The following SHISA9 variants were observed in gnomAD, a reference collection of about 807,000 sequenced individuals.
The protein encoded by SHISA9 is protein shisa-9.
SHISA9 carries 13 observed loss-of-function variants against 38.0 expected under a neutral mutation model. The observed-to-expected ratio is 0.34, with a 90% confidence interval of 0.22 to 0.54. SHISA9 has a LOEUF of 0.54. Among genes scored for constraint, SHISA9 ranks in the 20% least tolerant of loss-of-function variants. The probability of loss-of-function intolerance (pLI) is 0.91; values close to 1 mark genes in which losing one functional copy is unlikely to be tolerated. For missense variants in SHISA9, 538 were observed against 575.8 expected, an observed-to-expected ratio of 0.93 and a Z score of 0.67; for synonymous variants, 275 against 242.0, an observed-to-expected ratio of 1.14 and a Z score of -1.27.
At chr16:13,132,974 A>G (rs1234158656) in intron 2 of SHISA9, among the ~76,000 whole-genome samples, 1 of 152,172 alleles carries the variant, frequency 6.6e-6, no homozygotes, top group African/African-American at 2.4e-5. Context: ...GGAAAGAGTC[A>G]CCCAGGTCTG....
chr16:12,948,854 T>C (rs1035814291), intron 2 of SHISA9, among the ~76,000 whole-genome samples: 2 of 152,186 alleles, frequency 1.3e-5, no homozygotes, highest in African/African-American at 4.8e-5. Context: ...AAAAAACACA[T>C]ATTTGCACCA....
At chr16:13,088,097 G>A (rs1435186770) in intron 2 of SHISA9, among the ~76,000 whole-genome samples, 1 of 152,130 alleles carries the variant, frequency 6.6e-6, no homozygotes, top group African/African-American at 2.4e-5. Flanking sequence ...CCCATTTCTT[G>A]TTTTTGTCAG....
At chr16:13,065,080 G>A (rs980689212) in intron 2 of SHISA9, among the ~76,000 whole-genome samples, 1 of 152,310 alleles carries the variant, frequency 6.6e-6, no homozygotes, top group South Asian at 2.1e-4. Flanking sequence ...CTTAGCTTAA[G>A]ATATCTTGCC....
rs760823740 is a variant in SHISA9, at chr16:12,902,151, C to T, written c.87C>T (p.His29=). The change falls in exon 1 of 5, where the codon CAC becomes CAT. Residue 29 remains histidine (H), a synonymous_variant. Coordinates refer to ENST00000558583, the MANE Select transcript of SHISA9 (RefSeq NM_001145204.3). The part of the protein sequence containing the change: ...RVCRAQERAG[H]GQLAQLGGVL... ...GCCGGGCGCAGGAGCGAGCGGGACACGGGCAGCTGGCGCAACTGGGCGGCG... is the reference window on the plus strand; with the variant it reads ...GCCGGGCGCAGGAGCGAGCGGGACATGGGCAGCTGGCGCAACTGGGCGGCG... 9 of 1,525,986 alleles carry T rather than the reference C, an allele frequency of 5.9e-6. No homozygotes were observed. Among genetic ancestry groups the T allele is most frequent in the Admixed American group, 4.0e-5 (2 of 49,820 alleles). The allele number at this position is 1,525,986 out of a possible 1,614,324, so 94.5% of individuals were successfully genotyped here.
intron 2 of SHISA9, among the ~76,000 whole-genome samples, chr16:12,979,964 T>C (rs1291801310): frequency 6.6e-6 from 1 of 152,188 alleles, no homozygotes; most frequent in African/African-American, 2.4e-5. Context: ...GGGATCATAT[T>C]AAATGCAGAG....
chr16:13,155,520 A>G (rs2050536368), intron 2 of SHISA9, among the ~76,000 whole-genome samples: 1 of 152,146 alleles, frequency 6.6e-6, no homozygotes, highest in South Asian at 2.1e-4. Flanking sequence ...CAGTCTCCTC[A>G]TTAGCTCTAC....
At chr16:13,343,961 T>C in the SHISA9 span, among the ~76,000 whole-genome samples, 1 of 152,122 alleles carries the variant, frequency 6.6e-6, no homozygotes, top group Admixed American at 6.6e-5. Context: ...AATTAATCAT[T>C]GTTGTTATAG....
At chr16:13,433,642 G>T in the SHISA9 span, among the ~76,000 whole-genome samples, 16 of 152,180 alleles carry the variant, frequency 1.1e-4, no homozygotes, top group Non-Finnish European at 2.2e-4. Context: ...TGCATACAAG[G>T]TAAGAAATAT....
intron 2 of SHISA9, among the ~76,000 whole-genome samples, chr16:13,009,098 ATT>A (rs11294823): frequency 2.3e-4 from 34 of 146,576 alleles, no homozygotes; most frequent in South Asian, 4.4e-4. Flanking sequence ...GTGTGTGTGT[ATT>A]TTTTTTTTTT....
intron 2 of SHISA9, among the ~76,000 whole-genome samples, chr16:13,181,110 T>C (rs2050772647): frequency 1.3e-5 from 2 of 151,842 alleles, no homozygotes; most frequent in Admixed American, 1.3e-4. Context: ...AATATATACA[T>C]TTTATAAACT....
intron 2 of SHISA9, among the ~76,000 whole-genome samples, chr16:12,982,615 A>C (rs2072254400): frequency 6.6e-6 from 1 of 152,144 alleles, no homozygotes; most frequent in Non-Finnish European, 1.5e-5. Context: ...CATCATTCAG[A>C]CTGGGTTCGT....
At chr16:13,332,665 C>T in the SHISA9 span, 8 of 152,130 alleles carry the variant, frequency 5.3e-5, no homozygotes, top group Non-Finnish European at 1.0e-4. Flanking sequence ...CCAGAGACTC[C>T]AGAATCACTG....
chr16:13,520,282 C>T, the SHISA9 span, among the ~76,000 whole-genome samples: 1 of 152,114 alleles, frequency 6.6e-6, no homozygotes, highest in Non-Finnish European at 1.5e-5. Flanking sequence ...GAGCTGCCAT[C>T]ATTGATGGTG....
intron 2 of SHISA9, among the ~76,000 whole-genome samples, chr16:13,194,242 TC>T (rs2050915603): frequency 6.6e-6 from 1 of 152,116 alleles, no homozygotes; most frequent in African/African-American, 2.4e-5. Flanking sequence ...CAAAACACCT[TC>T]CAAAGACAAA....
chr16:13,105,261 G>C (rs530096047), intron 2 of SHISA9, among the ~76,000 whole-genome samples: 3 of 152,148 alleles, frequency 2.0e-5, no homozygotes, highest in South Asian at 4.1e-4. Flanking sequence ...TTTTATTTTG[G>C]AAAGTGTTTC....
chr16:13,297,191 T>C, the SHISA9 span, among the ~76,000 whole-genome samples: 2 of 152,206 alleles, frequency 1.3e-5, no homozygotes, highest in African/African-American at 2.4e-5. Context: ...CCTTATGGAA[T>C]AGGCTATTTT....
At chr16:13,105,079 T>G (rs561016707) in intron 2 of SHISA9, among the ~76,000 whole-genome samples, 1 of 152,258 alleles carries the variant, frequency 6.6e-6, no homozygotes, top group Non-Finnish European at 1.5e-5. Flanking sequence ...CAAGGAAATA[T>G]AATAATAAAC....
intron 2 of SHISA9, among the ~76,000 whole-genome samples, chr16:13,013,539 A>G (rs2072704468): frequency 6.6e-6 from 1 of 152,080 alleles, no homozygotes; most frequent in Non-Finnish European, 1.5e-5. Flanking sequence ...CATGCCCCAG[A>G]GTCTAGACTT....
chr16:13,090,646 A>G lies in SHISA9; in HGVS notation c.692-112748A>G, dbSNP rs145565589. 4.6e-3 allele frequency among the ~76,000 whole-genome samples: 705 copies of G among 152,000 alleles called. 8 individuals carry two copies. Among genetic ancestry groups the G allele is most frequent in the African/African-American group, 0.016 (675 of 41,462 alleles). On this transcript the variant is annotated intron_variant, in intron 2 of 4. Coordinates refer to ENST00000558583, the MANE Select transcript of SHISA9 (RefSeq NM_001145204.3). ...AACTCCTGCTGTTTTTTTGCTTTCC[A>G]TTTGCTTGATAGATCTTCTTCCACC...
Sources: allele counts gnomAD v4.1 joint callset (sites outside exome capture counted in the v4.1 genomes callset), GRCh38; gene constraint gnomAD v4.1.1; transcripts MANE v1.5; gene names NCBI Gene and HGNC (gene_info 2026-07-23, HGNC 2026-07-21).